RABGAP1L: variants seen among roughly 807,000 people sequenced by gnomAD.
The protein encoded by RABGAP1L is RAB GTPase activating protein 1 like.
RABGAP1L carries 63 observed loss-of-function variants against 137.7 expected under a neutral mutation model. The ratio of observed to expected loss-of-function variants is 0.46; its 90% CI spans 0.37 to 0.56. The LOEUF is 0.56. Ranked by LOEUF, RABGAP1L falls within the 20% of genes least tolerant of loss-of-function variation. RABGAP1L has a pLI of 0.00. For synonymous variants in RABGAP1L, 431 were observed against 433.7 expected (o/e 0.99, Z 0.08); for missense variants, 1,095 against 1,244.0 (o/e 0.88, Z 1.80).
chr1:174,917,033 C>A lies in RABGAP1L; in HGVS notation c.2341-40424C>A, dbSNP rs558365276. Among the ~76,000 whole-genome samples, 38 of 152,310 alleles carry A rather than the reference C, an allele frequency of 2.5e-4. No individual in the cohort carries two copies. The South Asian group carries it at 7.7e-3, about 31-fold the overall frequency. On this transcript the variant is annotated intron_variant, in intron 19 of 25. Transcript: ENST00000681986. ...TCTTTTCCTGGCTTGCAGATAGCCA[C>A]CTTTTTGTTGTATTCTCACATGGCA...
At chr1:174,349,532 C>T (rs370983887) in intron 11 of RABGAP1L, among the ~76,000 whole-genome samples, 15 of 126,156 alleles carry the variant, frequency 1.2e-4, no homozygotes, top group African/African-American at 3.0e-4. Context: ...TAGGGGCGGC[C>T]GGGCAGAGGC....
chr1:174,252,312 CAAATA>C (rs1672780929), intron 6 of RABGAP1L, 163 bp from the exon 7 acceptor site: 1 of 699,944 alleles, frequency 1.4e-6, no homozygotes, highest in African/African-American at 1.9e-5. Context: ...AGTTTATAGT[CAAATA>C]AAATTAATAG....
At chr1:174,610,361 C>T (rs917745377) in intron 13 of RABGAP1L, among the ~76,000 whole-genome samples, 49 of 151,634 alleles carry the variant, frequency 3.2e-4, no homozygotes, top group African/African-American at 1.1e-3. Flanking sequence ...CAATTTCATC[C>T]ATGTCCCTAC....
intron 17 of RABGAP1L, among the ~76,000 whole-genome samples, chr1:174,741,317 C>T (rs567570677): frequency 1.3e-5 from 2 of 151,990 alleles, no homozygotes; most frequent in South Asian, 2.1e-4. Context: ...TTCCCAGCAC[C>T]GTTTATTGAA....
chr1:174,723,533 G>T (rs945361124), intron 17 of RABGAP1L, among the ~76,000 whole-genome samples: 26 of 152,068 alleles, frequency 1.7e-4, no homozygotes, highest in Non-Finnish European at 5.9e-5. Flanking sequence ...CCACTATTGG[G>T]CCATAGTAGT....
intron 13 of RABGAP1L, among the ~76,000 whole-genome samples, chr1:174,598,336 A>AG: frequency 6.7e-6 from 1 of 148,736 alleles, no homozygotes; most frequent in East Asian, 1.9e-4. Context: ...CAAAAAAAAA[A>AG]AAAAAAAAAA....
At chr1:174,598,346 AATG>A (rs1265113289) in intron 13 of RABGAP1L, among the ~76,000 whole-genome samples, 1 of 135,498 alleles carries the variant, frequency 7.4e-6, no homozygotes, top group Non-Finnish European at 1.5e-5. Flanking sequence ...AAAAAAAAAA[AATG>A]GTCTGTCTTT....
At chr1:174,298,892 G>A (rs527252306) in intron 10 of RABGAP1L, among the ~76,000 whole-genome samples, 1 of 152,156 alleles carries the variant, frequency 6.6e-6, no homozygotes, top group African/African-American at 2.4e-5. Flanking sequence ...CATCCCTTTT[G>A]TTCTTTCTGA....
chr1:174,769,350 G>T (rs1354432320), intron 18 of RABGAP1L, among the ~76,000 whole-genome samples: 1 of 152,102 alleles, frequency 6.6e-6, no homozygotes. Context: ...GGTCCAGGTG[G>T]AGCCATTGGT....
rs563300713 is a variant in RABGAP1L at position 174,483,768 on chromosome 1, A to G, written c.1710+89623A>G. ...CTGGAATTCATAAGGTGGAGGTTCT[A>G]CTGAGCCATGATTGCACCACTGCAC... On this transcript the variant is annotated intron_variant, in intron 13 of 25. Transcript: ENST00000681986. 5.1e-3 allele frequency among the ~76,000 whole-genome samples: 778 copies of G among 151,938 alleles called. 12 individuals are homozygous for G. Among genetic ancestry groups the G allele is most frequent in the Non-Finnish European group, 4.4e-3 (299 of 67,974 alleles).
rs1245888262 is a variant in RABGAP1L at position 174,833,419 on chromosome 1, T to TGA, written c.2340+21460_2340+21461insAG. On this transcript the variant is annotated intron_variant, in intron 19 of 25. Transcript: ENST00000681986. ...GTGTGTGTATGTGTGTATGTGTGTG[T>TGA]GTGTATATATATATGTGTGTGTGTG... Among the ~76,000 whole-genome samples the TGA allele has an allele frequency of 4.7e-4, 57 of 122,276 alleles. 1 individual carries two copies. Among genetic ancestry groups the TGA allele is most frequent in the Non-Finnish European group, 9.4e-4 (52 of 55,318 alleles). The allele number at this position is 122,276 out of a possible 152,430, so 80.2% of individuals were successfully genotyped here. A position where few individuals can be genotyped will look rare whatever the true frequency, so the allele number is the denominator to read the frequency against.
intron 11 of RABGAP1L, among the ~76,000 whole-genome samples, chr1:174,364,546 G>A (rs891293986): frequency 3.3e-5 from 5 of 151,996 alleles, no homozygotes; most frequent in Non-Finnish European, 4.4e-5. Flanking sequence ...GAGCCACCGC[G>A]CCCGGCCTGG....
intron 19 of RABGAP1L, among the ~76,000 whole-genome samples, chr1:174,881,547 T>C: frequency 7.1e-6 from 1 of 141,348 alleles, no homozygotes; most frequent in Non-Finnish European, 1.5e-5. Context: ...TCACCTAGGC[T>C]GGAGTACAGT....
At chr1:174,490,926 A>G (rs1232245695) in intron 13 of RABGAP1L, among the ~76,000 whole-genome samples, 1 of 152,028 alleles carries the variant, frequency 6.6e-6, no homozygotes, top group Non-Finnish European at 1.5e-5. Flanking sequence ...TAGTCAGCTT[A>G]TGGTGAATGT....
At chr1:174,768,998 A>G (rs1439719750) in intron 18 of RABGAP1L, among the ~76,000 whole-genome samples, 1 of 152,118 alleles carries the variant, frequency 6.6e-6, no homozygotes, top group Admixed American at 6.5e-5. Context: ...TTTCCTTAGA[A>G]CTTCATTTCT....
At chr1:174,910,179 TA>T (rs763822406) in intron 19 of RABGAP1L, among the ~76,000 whole-genome samples, 20 of 151,826 alleles carry the variant, frequency 1.3e-4, no homozygotes, top group Non-Finnish European at 2.8e-4. Flanking sequence ...ATCAAAGCTG[TA>T]GTTTAAAGTC....
At chr1:174,923,936 C>G (rs981641853) in intron 19 of RABGAP1L, among the ~76,000 whole-genome samples, 1 of 150,940 alleles carries the variant, frequency 6.6e-6, no homozygotes, top group East Asian at 1.9e-4. Flanking sequence ...TAGCTTTTGT[C>G]ACCTCTAAGA....
At chr1:174,163,179 A>G (rs1380878875) in intron 1 of RABGAP1L, among the ~76,000 whole-genome samples, 2 of 152,190 alleles carry the variant, frequency 1.3e-5, no homozygotes, top group Non-Finnish European at 2.9e-5. Context: ...CTGATATTAT[A>G]GAGAAAGACA....
intron 13 of RABGAP1L, among the ~76,000 whole-genome samples, chr1:174,634,464 A>T (rs937045363): frequency 7.4e-6 from 1 of 134,876 alleles, no homozygotes; most frequent in African/African-American, 3.0e-5. Flanking sequence ...ACCATTGTGG[A>T]AGTCAGTGTG....
Sources: allele counts gnomAD v4.1 joint callset (sites outside exome capture counted in the v4.1 genomes callset), GRCh38; gene constraint gnomAD v4.1.1; transcripts MANE v1.5; gene names NCBI Gene and HGNC (gene_info 2026-07-23, HGNC 2026-07-21).